SGO2: variants seen among roughly 807,000 people sequenced by gnomAD.
SGO2 encodes the protein shugoshin-like 2.
A neutral mutation model predicts 99.5 loss-of-function variants in SGO2; 68 were observed. That is an observed-to-expected ratio of 0.68 (90% CI 0.56 to 0.84). The LOEUF is 0.84. SGO2 is among the 40% of genes least tolerant of loss of function. The pLI is 0.00. For synonymous variants in SGO2, 457 were observed against 487.1 expected, an observed-to-expected ratio of 0.94 and a Z score of 0.81; for missense variants, 1,350 against 1,436.7, an observed-to-expected ratio of 0.94 and a Z score of 0.97.
chr2:200,572,942 G>A lies in SGO2; in HGVS notation c.2596G>A (p.Asp866Asn). 4 of 1,597,664 alleles carry A rather than the reference G, an allele frequency of 2.5e-6. No homozygotes were observed. The highest frequency in any genetic ancestry group is 3.4e-6 in the Non-Finnish European group (4 of 1,174,576). Residue 866 changes from aspartate to asparagine, a missense_variant, in exon 7 of 9, where the codon GAT (aspartate) becomes AAT (asparagine). Physicochemically the swap from Asp to Asn is conservative, Grantham distance 23 (BLOSUM62 1). Coordinates refer to ENST00000357799, the MANE Select transcript of SGO2 (RefSeq NM_152524.6). Reference sequence around the variant, plus strand: ...AGTCACAAATGAATTTCAAACAGTTGATCTTCTCATCAAAGATAATGGAAA... The same window carrying A: ...AGTCACAAATGAATTTCAAACAGTTAATCTTCTCATCAAAGATAATGGAAA... ...LQVTNEFQTV[D>N]LLIKDNGNLC...
At chr2:200,569,138 A>C (rs1305892898) in intron 5 of SGO2, among the ~76,000 whole-genome samples, 1 of 152,000 alleles carries the variant, frequency 6.6e-6, no homozygotes, top group Non-Finnish European at 1.5e-5. Context: ...CAGTGTATCA[A>C]ATTATTTCTG....
At chr2:200,556,248 G>C (rs903537033) in intron 5 of SGO2, among the ~76,000 whole-genome samples, 3 of 152,194 alleles carry the variant, frequency 2.0e-5, no homozygotes, top group Non-Finnish European at 4.4e-5. Flanking sequence ...TTACAGGCAT[G>C]AGCCACCGTG....
At chr2:200,577,892 A>AT (rs1235599152) in intron 8 of SGO2, among the ~76,000 whole-genome samples, 3 of 152,168 alleles carry the variant, frequency 2.0e-5, no homozygotes, top group Non-Finnish European at 4.4e-5. Flanking sequence ...GTTAGCCTTG[A>AT]TTCCTTGGTT....
chr2:200,575,196 T>C, intron 7 of SGO2, 115 bp from the exon 8 acceptor site: 1 of 525,524 alleles, frequency 1.9e-6, no homozygotes, highest in Non-Finnish European at 3.1e-6. Context: ...CCTCTCAAAA[T>C]TGAATCAAGA....
chr2:200,543,870 G>A (rs2032081023), intron 5 of SGO2, among the ~76,000 whole-genome samples: 1 of 152,096 alleles, frequency 6.6e-6, no homozygotes, highest in Non-Finnish European at 1.5e-5. Context: ...GTGAACTTTT[G>A]TTTGAAGTAT....
At chr2:200,555,268 T>C (rs1486378769) in intron 5 of SGO2, among the ~76,000 whole-genome samples, 1 of 152,148 alleles carries the variant, frequency 6.6e-6, no homozygotes, top group African/African-American at 2.4e-5. Context: ...TAAAGCCCTT[T>C]TATATCACAC....
chr2:200,573,866 G>T lies in SGO2; in HGVS notation c.3520G>T (p.Glu1174Ter), dbSNP rs368051959. 1.2e-5 allele frequency: 19 copies of T among 1,613,172 alleles called. No homozygotes were observed. Among genetic ancestry groups the T allele is most frequent in the Non-Finnish European group, 1.6e-5 (19 of 1,179,450 alleles). ...TTCTGGTAAAAATGTGATAATAAAAGAAAATTTTGCCTTGGAGTGCTCCCC... is the reference window on the plus strand; with the variant it reads ...TTCTGGTAAAAATGTGATAATAAAATAAAATTTTGCCTTGGAGTGCTCCCC... ...VSSGKNVIIK[E>*]NFALECSPAF... The change falls in exon 7 of 9, where the codon GAA (glutamate) becomes TAA (stop). Residue 1174 changes from glutamate to a stop codon, truncating the protein, a stop_gained. Transcript: ENST00000357799. LOFTEE classifies it high-confidence loss of function.
intron 8 of SGO2, among the ~76,000 whole-genome samples, chr2:200,582,808 T>C (rs1260177205): frequency 6.6e-6 from 1 of 152,078 alleles, no homozygotes; most frequent in African/African-American, 2.4e-5. Context: ...ACACAGAATA[T>C]AAAATGTTTA....
rs547157483 is a variant in SGO2 at position 200,533,168 on chromosome 2, T to C, written c.133+60T>C. The C allele has an allele frequency of 1.1e-5, 16 of 1,465,150 alleles. No individual in the cohort carries two copies. The East Asian group carries it at 1.4e-4, about 13-fold the overall frequency. The allele number at this position is 1,465,150 out of a possible 1,614,324, so 90.8% of individuals were successfully genotyped here. A position where few individuals can be genotyped will look rare whatever the true frequency, so the allele number is the denominator to read the frequency against. ...TTAACTTTTCCCCAGAATTGTTATA[T>C]ATTTGCTACCTTATTTTATCAAGTA... On this transcript the variant is annotated intron_variant, in intron 2 of 8. Coordinates refer to ENST00000357799, the MANE Select transcript of SGO2 (RefSeq NM_152524.6).
chr2:200,560,573 A>C (rs1437666715), intron 5 of SGO2, among the ~76,000 whole-genome samples: 1 of 152,046 alleles, frequency 6.6e-6, no homozygotes. Flanking sequence ...CAGTGACTTC[A>C]GTGGATTTTC....
rs1428213208 is a variant in SGO2 at position 200,584,067 on chromosome 2, TAAG to T, written c.*604_*606del. Among the ~76,000 whole-genome samples the T allele has an allele frequency of 6.6e-6, 1 of 152,262 alleles. No individual in the cohort carries two copies. The highest frequency in any genetic ancestry group is 1.5e-5 in the Non-Finnish European group (1 of 68,048). ...TAAAGATCACTTACTCTTCCAGTAA[TAAG>T]TAGTAATAAATCCTGTTCATATCTG... On this transcript the variant is annotated 3_prime_UTR_variant, in exon 9 of 9. Coordinates refer to ENST00000357799, the MANE Select transcript of SGO2 (RefSeq NM_152524.6).
At chr2:200,541,948 C>G (rs2031982757) in intron 4 of SGO2, among the ~76,000 whole-genome samples, 1 of 151,862 alleles carries the variant, frequency 6.6e-6, no homozygotes, top group Non-Finnish European at 1.5e-5. Context: ...ACCCTCCTAA[C>G]TTTTTTCTTT....
chr2:200,542,161 G>A (rs905250621), intron 4 of SGO2, among the ~76,000 whole-genome samples: 1 of 151,756 alleles, frequency 6.6e-6, no homozygotes, highest in East Asian at 1.9e-4. Context: ...TTAGAAATAT[G>A]GATAAGTAAA....
In SGO2 at chr2:200,573,476, C is replaced by T. The variant is rs375768772; in HGVS notation, c.3130C>T (p.Gln1044Ter). The T allele has an allele frequency of 6.2e-7, 1 of 1,612,312 alleles. No individual in the cohort carries two copies. Among genetic ancestry groups the T allele is most frequent in the Non-Finnish European group, 8.5e-7 (1 of 1,179,224 alleles). Reference protein sequence around the residue: ...PGNPVELCKTQKQSTTTLNKK... With the variant: ...PGNPVELCKT ...AAACCCAGTTGAACTATGTAAGACT[C>T]AGAAGCAAAGCACTACCACTTTGAA... The change falls in exon 7 of 9, where the codon CAG becomes TAG. Residue 1044 changes from glutamine to a stop codon, truncating the protein, a stop_gained. Transcript: ENST00000357799. LOFTEE classifies it high-confidence loss of function.
intron 6 of SGO2, 57 bp downstream of exon 6, chr2:200,569,949 G>A: frequency 8.5e-7 from 1 of 1,169,750 alleles, no homozygotes; most frequent in Non-Finnish European, 1.3e-6. Context: ...TTCATCAGAT[G>A]TTCTTCCTGA....
chr2:200,547,930 C>T (rs1438451960), intron 5 of SGO2, among the ~76,000 whole-genome samples: 2 of 151,494 alleles, frequency 1.3e-5, no homozygotes, highest in African/African-American at 4.9e-5. Context: ...ATTAAGGGGT[C>T]AATTCAACCA....
chr2:200,543,173 G>A (rs1385788350), intron 5 of SGO2: 14 of 152,206 alleles, frequency 9.2e-5, no homozygotes, highest in African/African-American at 2.9e-4. Flanking sequence ...GTGTGGTGGC[G>A]GGCACCTGTA....
In SGO2 at chr2:200,580,933, G is replaced by A. The variant is rs2033823598; in HGVS notation, c.3783-2516G>A. Among the ~76,000 whole-genome samples the A allele has an allele frequency of 2.0e-5, 3 of 152,132 alleles. No individual in the cohort carries two copies. The South Asian group carries it at 6.2e-4, about 32-fold the overall frequency. On this transcript the variant is annotated intron_variant, in intron 8 of 8. Transcript: ENST00000357799. ...AGTGCTTTCAATGTATCTTGATTCT[G>A]ATACATAGTGTTTTCAATGTCGTTT...
chr2:200,532,620 ACT>A (rs1400045332), intron 1 of SGO2, among the ~76,000 whole-genome samples: 1 of 151,332 alleles, frequency 6.6e-6, no homozygotes, highest in Admixed American at 6.6e-5. Context: ...CTTCCTTTAA[ACT>A]CTGTGTATAT....
Sources: gnomAD v4.1 joint callset for allele counts (sites outside exome capture counted in the v4.1 genomes callset) on GRCh38, gnomAD v4.1.1 for gene constraint, MANE v1.5 for transcripts, NCBI Gene and HGNC (gene_info 2026-07-23, HGNC 2026-07-21) for gene names.